FUCA2: variants seen among roughly 807,000 people sequenced by gnomAD.
FUCA2 encodes plasma alpha-L-fucosidase.
In FUCA2, 41 loss-of-function variants were observed where a neutral mutation model predicts 52.6. The ratio of observed to expected loss-of-function variants is 0.78; its 90% CI spans 0.61 to 1.01. The LOEUF (loss-of-function observed/expected upper bound fraction) is 1.01, where lower values mean the gene tolerates loss of function less well. FUCA2 is among the 50% of genes least tolerant of loss of function. The pLI is 0.00. For synonymous variants in FUCA2, 211 were observed against 217.3 expected, an observed-to-expected ratio of 0.97 and a Z score of 0.26; for missense variants, 507 against 569.5, an observed-to-expected ratio of 0.89 and a Z score of 1.12.
Position 143,495,927 on chromosome 6 carries a change from A to C in FUCA2, c.1264-80T>G. 2 of 1,456,126 alleles carry C rather than the reference A, an allele frequency of 1.4e-6. No individual in the cohort carries two copies. Among genetic ancestry groups the C allele is most frequent in the Non-Finnish European group, 1.9e-6 (2 of 1,062,984 alleles). The allele number at this position is 1,456,126 out of a possible 1,614,324, so 90.2% of individuals were successfully genotyped here. A position where few individuals can be genotyped will look rare whatever the true frequency, so the allele number is the denominator to read the frequency against. Reference sequence around the variant, plus strand: ...CACTTTCTATTGGGAAGGAGTGATTAGTAGTTCAAACAAAATTGTAGACAA... The same window carrying C: ...CACTTTCTATTGGGAAGGAGTGATTCGTAGTTCAAACAAAATTGTAGACAA... On this transcript the variant is annotated intron_variant, in intron 6 of 6. Coordinates refer to ENST00000002165, the MANE Select transcript of FUCA2 (RefSeq NM_032020.5). The surrounding 1 kb of genome is among the most constrained non-coding windows in gnomAD (Gnocchi z 5.2).
In FUCA2 at chr6:143,497,243, G is replaced by A; in HGVS notation, c.1263+146C>T. 1 of 627,550 alleles carries A rather than the reference G, an allele frequency of 1.6e-6. No homozygotes were observed. 38.9% of individuals were successfully genotyped at this position (627,550 alleles called of 1,614,324 possible). On this transcript the variant is annotated intron_variant, in intron 6 of 6. Coordinates refer to ENST00000002165, the MANE Select transcript of FUCA2 (RefSeq NM_032020.5). This position sits in a 1 kb window ranked among gnomAD's most constrained non-coding sequence, Gnocchi z 5.3. ...TCCCAAAGTGCTGGAATTACAGTGT[G>A]AGCCACAATGCTTGGCTGGAGCTCA...
rs1182979585 is a variant in FUCA2 at position 143,500,601 on chromosome 6, T to C, written c.1154+1331A>G. 4.6e-5 allele frequency among the ~76,000 whole-genome samples: 7 copies of C among 152,028 alleles called. No homozygotes were observed. Among genetic ancestry groups the C allele is most frequent in the Non-Finnish European group, 1.0e-4 (7 of 68,026 alleles). On this transcript the variant is annotated intron_variant, in intron 5 of 6. Coordinates refer to ENST00000002165, the MANE Select transcript of FUCA2 (RefSeq NM_032020.5). This position sits in a 1 kb window ranked among gnomAD's most constrained non-coding sequence, Gnocchi z 6.9. ...AGGTCTAAGATGCTATGCATCCAAG[T>C]GGAAGTGTTGAGTAAGAAGTTCGAC... is the stretch of plus-strand genomic sequence containing the variant.
rs1217273658 is a variant in FUCA2 at position 143,501,066 on chromosome 6, A to C, written c.1154+866T>G. On this transcript the variant is annotated intron_variant, in intron 5 of 6. Transcript: ENST00000002165. The surrounding 1 kb of genome is among the most constrained non-coding windows in gnomAD (Gnocchi z 6.1). ...CCAGATCAGATACCCTCATATTCAAATGTAAGTATTCAAAAGTAAGAAGCA... is the reference window on the plus strand; with the variant it reads ...CCAGATCAGATACCCTCATATTCAACTGTAAGTATTCAAAAGTAAGAAGCA... 6.6e-6 allele frequency among the ~76,000 whole-genome samples: 1 copy of C among 152,208 alleles called. No homozygotes were observed. The highest frequency in any genetic ancestry group is 1.5e-5 in the Non-Finnish European group (1 of 68,034).
rs1780451139 is a variant in FUCA2, at chr6:143,495,791, G to A, written c.1320C>T (p.Gly440=). Residue 440 remains glycine (G), a synonymous_variant, in exon 7 of 7, where the codon GGC becomes GGT. Transcript: ENST00000002165. The surrounding 1 kb of genome is among the most constrained non-coding windows in gnomAD (Gnocchi z 5.2). ...TTAGCTGTGGCAGTTCTACCATAAT[G>A]CCATTTTGCTCCAAAGAAATCCAGT... ...PLNWISLEQN[G]IMVELPQLTI... 5.6e-6 allele frequency: 9 copies of A among 1,613,948 alleles called. No individual in the cohort carries two copies. Among genetic ancestry groups the A allele is most frequent in the Non-Finnish European group, 7.6e-6 (9 of 1,179,962 alleles).
In FUCA2 at chr6:143,501,973, A is replaced by T. The variant is rs1214327315; in HGVS notation, c.1113T>A (p.His371Gln). 1 of 1,613,916 alleles carries T rather than the reference A, an allele frequency of 6.2e-7. No homozygotes were observed. Among genetic ancestry groups the T allele is most frequent in the African/African-American group, 1.3e-5 (1 of 75,018 alleles). Reference protein sequence around the residue: ...KVNGEAIYETHTWRSQNDTVT... With the variant: ...KVNGEAIYETQTWRSQNDTVT... ...CAGTGTCATTCTGGGATCGCCAGGTATGGGTTTCATAAATAGCTTCTCCAT... is the reference window on the plus strand; with the variant it reads ...CAGTGTCATTCTGGGATCGCCAGGTTTGGGTTTCATAAATAGCTTCTCCAT... Residue 371 changes from histidine (H) to glutamine (Q), a missense_variant, in exon 5 of 7, where the codon CAT becomes CAA. Physicochemically the swap from His to Gln is conservative, Grantham distance 24. Coordinates refer to ENST00000002165, the MANE Select transcript of FUCA2 (RefSeq NM_032020.5). The surrounding 1 kb of genome is among the most constrained non-coding windows in gnomAD (Gnocchi z 6.1).
Position 143,507,645 on chromosome 6 carries a change from A to G in FUCA2, c.225-221T>C, listed in dbSNP as rs1016322764. 3.3e-5 allele frequency among the ~76,000 whole-genome samples: 5 copies of G among 152,050 alleles called. No individual in the cohort carries two copies. Among genetic ancestry groups the G allele is most frequent in the Admixed American group, 1.3e-4 (2 of 15,272 alleles). On this transcript the variant is annotated intron_variant, in intron 1 of 6. Coordinates refer to ENST00000002165, the MANE Select transcript of FUCA2 (RefSeq NM_032020.5). This position sits in a 1 kb window ranked among gnomAD's most constrained non-coding sequence, Gnocchi z 4.5. ...GTGATATCCACTCAGCTCATAAACT[A>G]GAGCATTCTAGGCAACTCAGCTACC...
At position 143,495,738 on chromosome 6, in the gene FUCA2, C is replaced by G; in HGVS notation, c.1373G>C (p.Gly458Ala). 6.2e-7 allele frequency: 1 copy of G among 1,614,026 alleles called. No individual in the cohort carries two copies. The highest frequency in any genetic ancestry group is 8.5e-7 in the Non-Finnish European group (1 of 1,179,958). The part of the protein sequence containing the change: ...LTIHQMPCKW[G>A]WALALTNVI ...CACATTAGTCAGGGCTAGAGCCCAG[C>G]CCCATTTACACGGCATCTGATGAAT... Residue 458 changes from glycine to alanine, a missense_variant, in exon 7 of 7, where the codon GGC becomes GCC. Transcript: ENST00000002165. The surrounding 1 kb of genome is among the most constrained non-coding windows in gnomAD (Gnocchi z 5.2).
rs942010041 is a variant in FUCA2, at chr6:143,497,617, T to C, written c.1155-120A>G. 1.7e-5 allele frequency: 10 copies of C among 577,818 alleles called. No homozygotes were observed. The Admixed American group carries it at 2.2e-4, about 13-fold the overall frequency. The allele number at this position is 577,818 out of a possible 1,614,324, so 35.8% of individuals were successfully genotyped here. ...GATACTTCCACAATGTCACCACTAA[T>C]AGAAGGGAAGGAAAAATAGCCTCAT... On this transcript the variant is annotated intron_variant, in intron 5 of 6. Coordinates refer to ENST00000002165, the MANE Select transcript of FUCA2 (RefSeq NM_032020.5). The surrounding 1 kb of genome is among the most constrained non-coding windows in gnomAD (Gnocchi z 5.3).
At chr6:143,496,091 T>C (rs1039380886) in intron 6 of FUCA2, among the ~76,000 whole-genome samples, 8 of 152,046 alleles carry the variant, frequency 5.3e-5, no homozygotes, top group African/African-American at 1.9e-4. Context: ...GGAAGGAGAA[T>C]TTTCAAGACT....
chr6:143,503,049 C>T lies in FUCA2; in HGVS notation c.753-484G>A, dbSNP rs1780551768. 6.5e-6 allele frequency: 1 copy of T among 154,826 alleles called. No homozygotes were observed. Among genetic ancestry groups the T allele is most frequent in the Admixed American group, 6.3e-5 (1 of 15,870 alleles). The allele number at this position is 154,826 out of a possible 1,614,324, so 9.6% of individuals were successfully genotyped here. ...TATTGAAAAATCTCAGAAAATTTGACTGTTGATATCATGTGAAATATCCCC... is the reference window on the plus strand; with the variant it reads ...TATTGAAAAATCTCAGAAAATTTGATTGTTGATATCATGTGAAATATCCCC... On this transcript the variant is annotated intron_variant, in intron 3 of 6. Coordinates refer to ENST00000002165, the MANE Select transcript of FUCA2 (RefSeq NM_032020.5). The surrounding 1 kb of genome is among the most constrained non-coding windows in gnomAD (Gnocchi z 4.8).
At position 143,503,778 on chromosome 6, in the gene FUCA2, A is replaced by G; in HGVS notation, c.752+135T>C. The G allele has an allele frequency of 1.5e-6, 1 of 655,320 alleles. No individual in the cohort carries two copies. Among genetic ancestry groups the G allele is most frequent in the East Asian group, 2.7e-5 (1 of 36,542 alleles). The allele number at this position is 655,320 out of a possible 1,614,324, so 40.6% of individuals were successfully genotyped here. A position where few individuals can be genotyped will look rare whatever the true frequency, so the allele number is the denominator to read the frequency against. Reference sequence around the variant, plus strand: ...GTAAATAGTGATATATCTAATAAGTATTATTTACAATGATTTTCTCCCCCC... The same window carrying G: ...GTAAATAGTGATATATCTAATAAGTGTTATTTACAATGATTTTCTCCCCCC... On this transcript the variant is annotated intron_variant, in intron 3 of 6. Transcript: ENST00000002165. This position sits in a 1 kb window ranked among gnomAD's most constrained non-coding sequence, Gnocchi z 4.8.
Position 143,504,128 on chromosome 6 carries a change from C to A in FUCA2, c.537G>T (p.Leu179=), listed in dbSNP as rs752131681. The A allele has an allele frequency of 8.7e-6, 14 of 1,614,106 alleles. No homozygotes were observed. The East Asian group carries it at 3.1e-4, about 36-fold the overall frequency. The change falls in exon 3 of 7, where the codon CTG becomes CTT. Residue 179 remains leucine (L), a synonymous_variant. Coordinates refer to ENST00000002165, the MANE Select transcript of FUCA2 (RefSeq NM_032020.5). The surrounding 1 kb of genome is among the most constrained non-coding windows in gnomAD (Gnocchi z 4.4). ...GAAACCATTCAAAAAGGGAATAGTA[C>A]AGTCCAAAACGCAGGTCAGTTCTGT... ...IRNRTDLRFG[L]YYSLFEWFHP...
chr6:143,503,766 TATCTAA>T lies in FUCA2; in HGVS notation c.752+141_752+146del. Reference sequence around the variant, plus strand: ...TGATTATGTTGAGTAAATAGTGATATATCTAATAAGTATTATTTACAATGATTTTCT... The same window carrying T: ...TGATTATGTTGAGTAAATAGTGATATTAAGTATTATTTACAATGATTTTCT... On this transcript the variant is annotated intron_variant, in intron 3 of 6. Transcript: ENST00000002165. This position sits in a 1 kb window ranked among gnomAD's most constrained non-coding sequence, Gnocchi z 4.8. The T allele has an allele frequency of 1.6e-6, 1 of 611,208 alleles. No homozygotes were observed. The highest frequency in any genetic ancestry group is 2.4e-5 in the South Asian group (1 of 41,318). 37.9% of individuals were successfully genotyped at this position (611,208 alleles called of 1,614,324 possible).
Position 143,507,328 on chromosome 6 carries a change from A to C in FUCA2, c.321T>G (p.Phe107Leu), listed in dbSNP as rs1458793366. The change falls in exon 2 of 7, where the codon TTT becomes TTG. Residue 107 changes from phenylalanine to leucine, a missense_variant. By Grantham distance (22) the Phe-to-Leu change is conservative. Transcript: ENST00000002165. This position sits in a 1 kb window ranked among gnomAD's most constrained non-coding sequence, Gnocchi z 4.5. ...SFKYEDFGPL[F>L]TAKFFNANQW... is the part of the protein sequence containing the mutation. ...GGTTGGCATTAAAAAATTTTGCTGTAAATAGTGGTCCAAAATCTTCATATT... is the reference window on the plus strand; with the variant it reads ...GGTTGGCATTAAAAAATTTTGCTGTCAATAGTGGTCCAAAATCTTCATATT... 1.9e-6 allele frequency: 3 copies of C among 1,610,698 alleles called. No homozygotes were observed. In the South Asian group the frequency reaches 3.3e-5, roughly 18 times the overall value.
In FUCA2 at chr6:143,509,567, T is replaced by C. The variant is rs1219071615; in HGVS notation, c.224+1844A>G. Among the ~76,000 whole-genome samples the C allele has an allele frequency of 6.6e-6, 1 of 152,204 alleles. No individual in the cohort carries two copies. Among genetic ancestry groups the C allele is most frequent in the Non-Finnish European group, 1.5e-5 (1 of 68,026 alleles). ...TTGGCACCAATATATCTTTACCTAATCTTCATGGTTGAACAAAATGATAAT... is the reference window on the plus strand; with the variant it reads ...TTGGCACCAATATATCTTTACCTAACCTTCATGGTTGAACAAAATGATAAT... On this transcript the variant is annotated intron_variant, in intron 1 of 6. Transcript: ENST00000002165. This position sits in a 1 kb window ranked among gnomAD's most constrained non-coding sequence, Gnocchi z 5.4.
intron 1 of FUCA2, among the ~76,000 whole-genome samples, chr6:143,508,275 A>AGG (rs1780638743): frequency 6.6e-6 from 1 of 152,106 alleles, no homozygotes; most frequent in South Asian, 2.1e-4. Context: ...AGACTTCATG[A>AGG]GGAAAAGCAC....
Position 143,511,326 on chromosome 6 carries a change from G to A in FUCA2, c.224+85C>T, listed in dbSNP as rs549302348. On this transcript the variant is annotated intron_variant, in intron 1 of 6. Coordinates refer to ENST00000002165, the MANE Select transcript of FUCA2 (RefSeq NM_032020.5). The surrounding 1 kb of genome is among the most constrained non-coding windows in gnomAD (Gnocchi z 6.3). ...GACGAGGGTGCAGGCAGCACCAGGC[G>A]GCGAACCAGGCCCGCTGGGTGGTGG... 59 of 1,299,800 alleles carry A rather than the reference G, an allele frequency of 4.5e-5. No individual in the cohort carries two copies. The highest frequency in any genetic ancestry group is 5.8e-5 in the Non-Finnish European group (55 of 950,144). 80.5% of individuals were successfully genotyped at this position (1,299,800 alleles called of 1,614,324 possible). A position where few individuals can be genotyped will look rare whatever the true frequency, so the allele number is the denominator to read the frequency against.
chr6:143,509,272 G>A lies in FUCA2; in HGVS notation c.225-1848C>T, dbSNP rs541303179. Among the ~76,000 whole-genome samples the A allele has an allele frequency of 5.3e-5, 8 of 152,194 alleles. No homozygotes were observed. The highest frequency in any genetic ancestry group is 3.9e-4 in the East Asian group (2 of 5,176). On this transcript the variant is annotated intron_variant, in intron 1 of 6. Transcript: ENST00000002165. This position sits in a 1 kb window ranked among gnomAD's most constrained non-coding sequence, Gnocchi z 5.4. ...TACTCATCTATACTGTTGATTCCCC[G>A]AAAGTCAAATTGAGAGTGAGGAGCA...
intron 1 of FUCA2, among the ~76,000 whole-genome samples, chr6:143,508,407 T>G (rs377235367): frequency 1.3e-5 from 2 of 152,200 alleles, no homozygotes; most frequent in Admixed American, 6.5e-5. Flanking sequence ...TTCTACAGGA[T>G]AAGCAAATCC....
Sources: allele counts gnomAD v4.1 joint callset (sites outside exome capture counted in the v4.1 genomes callset), GRCh38; gene constraint gnomAD v4.1.1; non-coding constraint Gnocchi (gnomAD v3.1); transcripts MANE v1.5; gene names NCBI Gene and HGNC (gene_info 2026-07-23, HGNC 2026-07-21).